Variants in SLC9A9 observed in about 807,000 individuals in gnomAD.
SLC9A9 encodes the protein sodium/hydrogen exchanger 9.
Under a neutral mutation model 77.8 loss-of-function variants are expected in SLC9A9, and 62 were observed. The observed-to-expected ratio is 0.80, with a 90% CI of 0.65 to 0.98. The LOEUF (loss-of-function observed/expected upper bound fraction) is 0.98, where lower values mean the gene tolerates loss of function less well. Among genes scored for constraint, SLC9A9 ranks in the 50% least tolerant of loss-of-function variants. The pLI, the probability that SLC9A9 is intolerant of heterozygous loss-of-function variation, is 0.00. For synonymous variants in SLC9A9, 320 were observed against 283.5 expected (o/e 1.13, Z -1.29); for missense variants, 775 against 774.9 (o/e 1.00, Z 0.00).
intron 12 of SLC9A9, among the ~76,000 whole-genome samples, chr3:143,465,774 C>T (rs1195872286): frequency 2.6e-5 from 4 of 152,222 alleles, no homozygotes; most frequent in African/African-American, 9.7e-5. Flanking sequence ...TGGGAGCCTA[C>T]AGGTAACCAC....
intron 6 of SLC9A9, among the ~76,000 whole-genome samples, chr3:143,609,264 T>C (rs1416766499): frequency 2.0e-5 from 3 of 152,172 alleles, no homozygotes; most frequent in African/African-American, 7.2e-5. Context: ...ATCTAAAGAA[T>C]GCAAGCAAGA....
chr3:143,748,539 T>C (rs1233937218), intron 4 of SLC9A9, among the ~76,000 whole-genome samples: 1 of 152,100 alleles, frequency 6.6e-6, no homozygotes, highest in Admixed American at 6.5e-5. Context: ...ATCCAGCAAA[T>C]ATCCTCTACT....
chr3:143,418,013 G>C (rs2034229068), intron 12 of SLC9A9, among the ~76,000 whole-genome samples: 1 of 151,742 alleles, frequency 6.6e-6, no homozygotes, highest in South Asian at 2.1e-4. Context: ...TTAGAAAGCA[G>C]ACCTAGCAAG....
In SLC9A9 at chr3:143,755,502, A is replaced by AATTT. The variant is rs2006893645; in HGVS notation, c.533+39495_533+39498dup. ...CTTGATCACTGTCATTTAATATTAA[A>AATTT]ATTTATAAGATCTCCTGTTTTCAAA... is the stretch of plus-strand genomic sequence containing the variant. On this transcript the variant is annotated intron_variant, in intron 4 of 15. Transcript: ENST00000316549. 2.6e-5 allele frequency among the ~76,000 whole-genome samples: 4 copies of AATTT among 152,274 alleles called. No homozygotes were observed. The South Asian group carries it at 8.3e-4, about 32-fold the overall frequency.
chr3:143,828,392 A>G (rs944749116), intron 2 of SLC9A9, among the ~76,000 whole-genome samples: 1 of 152,204 alleles, frequency 6.6e-6, no homozygotes, highest in Non-Finnish European at 1.5e-5. Flanking sequence ...CTTTGGGGAT[A>G]CATTGGTCAG....
chr3:143,431,425 T>C (rs1443818563), intron 12 of SLC9A9, among the ~76,000 whole-genome samples: 1 of 152,132 alleles, frequency 6.6e-6, no homozygotes, highest in East Asian at 1.9e-4. Context: ...AGAGGAGTTC[T>C]TTCAAATTGC....
At chr3:143,573,759 G>A (rs2037308999) in intron 8 of SLC9A9, among the ~76,000 whole-genome samples, 1 of 152,028 alleles carries the variant, frequency 6.6e-6, no homozygotes, top group Admixed American at 6.6e-5. Context: ...GCAGTTGTGG[G>A]TATCCTTTCA....
At chr3:143,500,447 A>G (rs561116253) in intron 9 of SLC9A9, among the ~76,000 whole-genome samples, 476 of 152,074 alleles carry the variant, frequency 3.1e-3, no homozygotes, top group South Asian at 5.6e-3. Flanking sequence ...CTCCCTTCCC[A>G]TTTTATTAAT....
At chr3:143,381,299 C>G (rs9881327) in intron 13 of SLC9A9, 69,864 of 151,904 alleles carry the variant, frequency 0.46, 16,307 homozygotes, top group African/African-American at 0.55. Context: ...GTTCTTGTGA[C>G]AGTGAATGGG....
chr3:143,629,593 G>A (rs1300285042), intron 6 of SLC9A9, among the ~76,000 whole-genome samples: 2 of 151,468 alleles, frequency 1.3e-5, no homozygotes, highest in African/African-American at 4.9e-5. Context: ...GTGTGTGTGT[G>A]TATGTGTGTA....
chr3:143,598,074 T>C (rs1266342484), intron 6 of SLC9A9, among the ~76,000 whole-genome samples: 3 of 152,270 alleles, frequency 2.0e-5, no homozygotes, highest in Non-Finnish European at 4.4e-5. Flanking sequence ...CAGTCCCTGG[T>C]AAATTGCTTT....
chr3:143,477,653 T>C (rs1418680185), intron 11 of SLC9A9, among the ~76,000 whole-genome samples: 1 of 152,148 alleles, frequency 6.6e-6, no homozygotes, highest in Admixed American at 6.5e-5. Context: ...AAGCAATGGC[T>C]ACTGTGATTA....
At chr3:143,727,720 C>T (rs139565584) in intron 4 of SLC9A9, among the ~76,000 whole-genome samples, 316 of 152,166 alleles carry the variant, frequency 2.1e-3, no homozygotes, top group African/African-American at 7.2e-3. Flanking sequence ...GAAAATAAAA[C>T]GAATTATTTT....
At chr3:143,584,303 C>A (rs933896836) in intron 6 of SLC9A9, among the ~76,000 whole-genome samples, 4 of 152,124 alleles carry the variant, frequency 2.6e-5, no homozygotes, top group Non-Finnish European at 5.9e-5. Context: ...AAGCTCCTGG[C>A]GGCCCTGGTT....
At chr3:143,641,550 T>C (rs1216287337) in intron 6 of SLC9A9, among the ~76,000 whole-genome samples, 1 of 151,890 alleles carries the variant, frequency 6.6e-6, no homozygotes. Context: ...CCTGCCACCA[T>C]GCCCAGCTAA....
At chr3:143,607,664 T>C (rs527559342) in intron 6 of SLC9A9, among the ~76,000 whole-genome samples, 18 of 152,032 alleles carry the variant, frequency 1.2e-4, no homozygotes, top group African/African-American at 3.6e-4. Flanking sequence ...CACTCCATAG[T>C]AATAGAACAA....
intron 11 of SLC9A9, among the ~76,000 whole-genome samples, chr3:143,481,568 G>A (rs1253677407): frequency 6.6e-6 from 1 of 152,198 alleles, no homozygotes; most frequent in Non-Finnish European, 1.5e-5. Flanking sequence ...TGGGAGAAAT[G>A]TATTGAAGAG....
intron 11 of SLC9A9, among the ~76,000 whole-genome samples, chr3:143,473,769 T>C (rs1273820853): frequency 2.6e-5 from 4 of 152,354 alleles, no homozygotes; most frequent in African/African-American, 7.2e-5. Context: ...ATAGTTCTTA[T>C]GTCTTTCATA....
At chr3:143,398,855 G>A (rs530750074) in intron 12 of SLC9A9, among the ~76,000 whole-genome samples, 2 of 152,244 alleles carry the variant, frequency 1.3e-5, no homozygotes, top group South Asian at 4.1e-4. Flanking sequence ...ACAATTGGAA[G>A]CAGATTTGAT....
Sources: gnomAD v4.1 joint callset for allele counts (sites outside exome capture counted in the v4.1 genomes callset) on GRCh38, gnomAD v4.1.1 for gene constraint, MANE v1.5 for transcripts, NCBI Gene and HGNC (gene_info 2026-07-23, HGNC 2026-07-21) for gene names.